Variants in TBC1D9 observed in about 807,000 individuals in gnomAD.
TBC1D9 encodes TBC1 domain family member 9A.
A neutral mutation model predicts 132.0 loss-of-function variants in TBC1D9; 63 were observed. The ratio of observed to expected loss-of-function variants is 0.48; its 90% confidence interval spans 0.39 to 0.59. The LOEUF (loss-of-function observed/expected upper bound fraction) is 0.59. Among genes scored for constraint, TBC1D9 ranks in the 20% least tolerant of loss-of-function variants. TBC1D9 has a pLI of 0.00. For missense variants in TBC1D9, 1,261 were observed against 1,592.7 expected (o/e 0.79, Z 3.54); for synonymous variants, 610 against 609.9 (o/e 1.00, Z 0.00).
intron 1 of TBC1D9, among the ~76,000 whole-genome samples, chr4:140,708,048 T>G (rs1738174920): frequency 6.6e-6 from 1 of 152,182 alleles, no homozygotes; most frequent in South Asian, 2.1e-4. Flanking sequence ...TTATTTATCT[T>G]GGGAGTCTCA....
chr4:140,636,661 G>A (rs1029621691), intron 15 of TBC1D9, among the ~76,000 whole-genome samples: 1 of 152,162 alleles, frequency 6.6e-6, no homozygotes, highest in Non-Finnish European at 1.5e-5. Context: ...AAGTACCTGG[G>A]ATTACAGATG....
At chr4:140,736,240 C>T (rs1048920885) in intron 1 of TBC1D9, among the ~76,000 whole-genome samples, 1 of 151,938 alleles carries the variant, frequency 6.6e-6, no homozygotes, top group Non-Finnish European at 1.5e-5. Flanking sequence ...ATCAGATAAA[C>T]AGATTAAAGT....
At chr4:140,736,377 C>A (rs531058457) in intron 1 of TBC1D9, among the ~76,000 whole-genome samples, 8 of 151,964 alleles carry the variant, frequency 5.3e-5, no homozygotes, top group Non-Finnish European at 1.2e-4. Context: ...CCCATCTCTA[C>A]TAAAAATACA....
intron 1 of TBC1D9, among the ~76,000 whole-genome samples, chr4:140,719,946 C>G (rs574973586): frequency 6.6e-6 from 1 of 152,316 alleles, no homozygotes; most frequent in South Asian, 2.1e-4. Flanking sequence ...TTCCTAGGGT[C>G]ATGACCTTGG....
intron 2 of TBC1D9, among the ~76,000 whole-genome samples, chr4:140,694,048 TA>T (rs1256053895): frequency 1.3e-5 from 2 of 152,230 alleles, no homozygotes; most frequent in Non-Finnish European, 2.9e-5. Flanking sequence ...ATCCTTTTTT[TA>T]ACTTGTTTAT....
At chr4:140,658,035 A>G (rs556187764) in intron 11 of TBC1D9, among the ~76,000 whole-genome samples, 54 of 152,324 alleles carry the variant, frequency 3.5e-4, no homozygotes, top group African/African-American at 1.2e-3. Flanking sequence ...TTTCCCTTCC[A>G]AAAAAGAACA....
intron 1 of TBC1D9, among the ~76,000 whole-genome samples, chr4:140,748,351 CAT>C (rs1274172374): frequency 6.6e-6 from 1 of 151,932 alleles, no homozygotes; most frequent in African/African-American, 2.4e-5. Context: ...AGGTAACAGA[CAT>C]AGAAGATACA....
At chr4:140,637,561 C>T (rs1458228440) in intron 15 of TBC1D9, among the ~76,000 whole-genome samples, 1 of 152,180 alleles carries the variant, frequency 6.6e-6, no homozygotes, top group Non-Finnish European at 1.5e-5. Context: ...GCCCTGCCCC[C>T]ATGCCCTGAG....
At chr4:140,658,971 C>A (rs1241214408) in intron 11 of TBC1D9, among the ~76,000 whole-genome samples, 4 of 151,944 alleles carry the variant, frequency 2.6e-5, no homozygotes, top group Non-Finnish European at 5.9e-5. Context: ...AATTCATGTG[C>A]AAATGTTTAG....
chr4:140,686,450 T>C lies in TBC1D9; in HGVS notation c.254A>G (p.Lys85Arg), dbSNP rs750276567. 9.4e-6 allele frequency: 15 copies of C among 1,600,272 alleles called. No individual in the cohort carries two copies. Among genetic ancestry groups the C allele is most frequent in the Non-Finnish European group, 1.3e-5 (15 of 1,168,964 alleles). Residue 85 changes from lysine to arginine, a missense_variant, in exon 3 of 21, where the codon AAA becomes AGA. Around this residue, in one of 3 missense-constraint regions of TBC1D9, gnomAD observed 550 missense variants for 699.0 expected, o/e 0.79. Transcript: ENST00000442267. ...CCATTCCCAGTGTTCAGTGATTTCT[T>C]TCCTGGAACCACCTGTACAAATGAA... is the stretch of plus-strand genomic sequence containing the variant. ...YWTIACGGSR[K>R]EITEHWEWLE...
intron 1 of TBC1D9, among the ~76,000 whole-genome samples, chr4:140,710,576 C>G (rs558906210): frequency 5.4e-4 from 82 of 152,222 alleles, no homozygotes; most frequent in African/African-American, 2.0e-3. Flanking sequence ...TTATCTGTAT[C>G]CAATTAGTAT....
intron 1 of TBC1D9, among the ~76,000 whole-genome samples, chr4:140,742,154 G>T (rs1375932267): frequency 1.3e-5 from 2 of 152,098 alleles, no homozygotes; most frequent in East Asian, 3.8e-4. Context: ...TACAGAGTTT[G>T]GATTTTTTCA....
intron 1 of TBC1D9, among the ~76,000 whole-genome samples, chr4:140,755,409 CG>C (rs1738992600): frequency 6.6e-6 from 1 of 152,116 alleles, no homozygotes; most frequent in Admixed American, 6.5e-5. Context: ...TTCCTGTTTC[CG>C]TATTCATTCT....
At chr4:140,652,156 A>G (rs556076094) in intron 13 of TBC1D9, among the ~76,000 whole-genome samples, 1 of 152,028 alleles carries the variant, frequency 6.6e-6, no homozygotes, top group East Asian at 1.9e-4. Flanking sequence ...CATGAGAATC[A>G]CATGAACCCC....
At chr4:140,725,122 AC>A (rs1359214145) in intron 1 of TBC1D9, among the ~76,000 whole-genome samples, 1 of 152,226 alleles carries the variant, frequency 6.6e-6, no homozygotes, top group East Asian at 1.9e-4. Flanking sequence ...ATTTATTGCA[AC>A]AGTTTTATAG....
chr4:140,712,017 C>CT (rs953162595), intron 1 of TBC1D9, among the ~76,000 whole-genome samples: 14 of 152,128 alleles, frequency 9.2e-5, no homozygotes, highest in Admixed American at 7.9e-4. Context: ...TTATTTTGGG[C>CT]TTTTTTTACT....
Position 140,624,142 on chromosome 4 carries a change from C to T in TBC1D9, c.3052G>A (p.Ala1018Thr). The change falls in exon 20 of 21, where the codon GCA becomes ACA. Residue 1018 changes from alanine (A) to threonine (T), a missense_variant. Coordinates refer to ENST00000442267, the MANE Select transcript of TBC1D9 (RefSeq NM_015130.3). ...TPENKSKSKNAKDLPKLNQGQ... is the reference protein window; with the variant it reads ...TPENKSKSKNTKDLPKLNQGQ... ...TGATTTAATTTGGGTAAATCCTTTG[C>T]ATTCTTTGACTTAGATTTATTTTCT... 6.2e-7 allele frequency: 1 copy of T among 1,609,874 alleles called. No homozygotes were observed. The highest frequency in any genetic ancestry group is 8.5e-7 in the Non-Finnish European group (1 of 1,177,600).
chr4:140,682,165 A>G (rs17006334), intron 3 of TBC1D9, among the ~76,000 whole-genome samples: 6,250 of 152,270 alleles, frequency 0.041, 157 homozygotes, highest in Middle Eastern at 0.1. Context: ...TGGAGTTAGC[A>G]ATGCCTGAGA....
chr4:140,728,264 T>C (rs1205856892), intron 1 of TBC1D9, among the ~76,000 whole-genome samples: 3 of 152,210 alleles, frequency 2.0e-5, no homozygotes, highest in Non-Finnish European at 2.9e-5. Context: ...GGCTACATAC[T>C]GCAGACATTC....
Sources: gnomAD v4.1 joint callset for allele counts (sites outside exome capture counted in the v4.1 genomes callset) on GRCh38, gnomAD v4.1.1 for gene constraint, gnomAD v4.1.1 regional missense constraint, MANE v1.5 for transcripts, NCBI Gene and HGNC (gene_info 2026-07-23, HGNC 2026-07-21) for gene names.